The following RSL24D1 variants were observed in gnomAD, a reference collection of about 807,000 sequenced individuals.
RSL24D1 encodes the protein ribosomal L24 domain containing 1, also known as probable ribosome biogenesis protein RLP24.
In RSL24D1, 6 loss-of-function variants were observed where a neutral mutation model predicts 26.2. The observed-to-expected ratio is 0.23, with a 90% CI of 0.13 to 0.45. The LOEUF is 0.45. Ranked by LOEUF, RSL24D1 falls within the 20% of genes least tolerant of loss-of-function variation. The pLI is 0.99. For missense variants in RSL24D1, 176 were observed against 202.6 expected (o/e 0.87, Z 0.80); for synonymous variants, 61 against 59.1 (o/e 1.03, Z -0.15).
At chr15:55,196,725 G>C (rs1298431409) in intron 1 of RSL24D1, 85 bp downstream of exon 1, 4 of 1,328,256 alleles carry the variant, frequency 3.0e-6, no homozygotes, top group African/African-American at 1.5e-5. Context: ...AAACACGGCA[G>C]ACGCAGAAGC....
intron 3 of RSL24D1, 41 bp from the exon 4 acceptor site, chr15:55,185,466 A>C (rs776905335): frequency 1.4e-6 from 2 of 1,414,354 alleles, no homozygotes; most frequent in African/African-American, 1.4e-5. Context: ...ATGCACATTC[A>C]AGCGGTATGA....
intron 3 of RSL24D1, among the ~76,000 whole-genome samples, chr15:55,189,012 T>A (rs1464716661): frequency 6.6e-6 from 1 of 151,962 alleles, no homozygotes; most frequent in African/African-American, 2.4e-5. Context: ...GGCAACATGG[T>A]GAAACCCCGT....
At chr15:55,182,451 A>C (rs759504901) in intron 5 of RSL24D1, among the ~76,000 whole-genome samples, 2 of 152,154 alleles carry the variant, frequency 1.3e-5, no homozygotes, top group Non-Finnish European at 2.9e-5. Flanking sequence ...CCCCCATTTT[A>C]AATATGAGAA....
chr15:55,194,556 G>T (rs1174526541), intron 1 of RSL24D1, among the ~76,000 whole-genome samples: 3 of 152,006 alleles, frequency 2.0e-5, no homozygotes, highest in Non-Finnish European at 2.9e-5. Flanking sequence ...CCATACCTTG[G>T]ACTCAAAGTT....
rs17856255 is a variant in RSL24D1 at position 55,192,830 on chromosome 15, A to C, written c.85T>G (p.Phe29Val). The part of the protein sequence containing the change: ...MMFVRNDCKV[F>V]RFCKSKCHKN... ...TGACATTTAGATTTGCAAAATCTGA[A>C]CACCTACAAGAAAAGTTAAAATATT... Residue 29 changes from phenylalanine (F) to valine (V), a missense_variant, in exon 2 of 6, where the codon TTC becomes GTC. This residue lies in a region of RSL24D1 where 89 missense variants were observed against 135.1 expected (regional missense o/e 0.66). Transcript: ENST00000260443. 1 of 1,604,918 alleles carries C rather than the reference A, an allele frequency of 6.2e-7. No individual in the cohort carries two copies. Among genetic ancestry groups the C allele is most frequent in the South Asian group, 1.1e-5 (1 of 90,598 alleles).
intron 3 of RSL24D1, among the ~76,000 whole-genome samples, chr15:55,186,571 C>T (rs537525773): frequency 2.2e-4 from 34 of 152,224 alleles, no homozygotes; most frequent in Non-Finnish European, 3.1e-4. Flanking sequence ...TTATACCAAA[C>T]GCCTGGCCCA....
chr15:55,185,868 A>C (rs1894219016), intron 3 of RSL24D1, among the ~76,000 whole-genome samples: 1 of 152,148 alleles, frequency 6.6e-6, no homozygotes, highest in African/African-American at 2.4e-5. Context: ...CAAACAATCA[A>C]TACTACTAAG....
chr15:55,193,028 G>GA (rs1305592988), intron 1 of RSL24D1, among the ~76,000 whole-genome samples, 195 bp from the exon 2 acceptor site: 1 of 152,114 alleles, frequency 6.6e-6, no homozygotes, highest in Non-Finnish European at 1.5e-5. Flanking sequence ...TAAGGGCCCT[G>GA]AAAATATTAT....
chr15:55,193,397 A>T (rs1894320727), intron 1 of RSL24D1, among the ~76,000 whole-genome samples: 3 of 152,316 alleles, frequency 2.0e-5, no homozygotes, highest in Admixed American at 2.0e-4. Context: ...ACAACTGATG[A>T]TGCTTCAACA....
At chr15:55,193,375 T>C (rs1477005429) in intron 1 of RSL24D1, among the ~76,000 whole-genome samples, 4 of 152,222 alleles carry the variant, frequency 2.6e-5, no homozygotes, top group African/African-American at 9.6e-5. Context: ...AATCCTTTAA[T>C]AGTGCTAACT....
chr15:55,183,522 C>T (rs1322963995), intron 4 of RSL24D1, 122 bp from the exon 5 acceptor site: 2 of 668,840 alleles, frequency 3.0e-6, no homozygotes, highest in Admixed American at 2.6e-5. Flanking sequence ...GGAATGGAAA[C>T]ATGATGGCTG....
intron 2 of RSL24D1, 86 bp from the exon 3 acceptor site, chr15:55,191,133 G>C: frequency 4.2e-6 from 4 of 941,774 alleles, no homozygotes; most frequent in Non-Finnish European, 6.4e-6. Flanking sequence ...CTTTTCCTAA[G>C]TGTTCTAAAT....
In RSL24D1 at chr15:55,181,122, GTTAC is replaced by G. The variant is rs533907227; in HGVS notation, c.*1026_*1029del. The G allele has an allele frequency of 2.1e-3, 323 of 152,086 alleles. 1 individual carries two copies. The highest frequency in any genetic ancestry group is 7.4e-3 in the African/African-American group (308 of 41,474). 9.4% of individuals were successfully genotyped at this position (152,086 alleles called of 1,614,324 possible). ...AAAAAAACCATTATGCAAACTGATCGTTACTTAATGTATTTAACATACTTAAAAC... is the reference window on the plus strand; with the variant it reads ...AAAAAAACCATTATGCAAACTGATCGTTAATGTATTTAACATACTTAAAAC... On this transcript the variant is annotated 3_prime_UTR_variant, in exon 6 of 6. Coordinates refer to ENST00000260443, the MANE Select transcript of RSL24D1 (RefSeq NM_016304.3).
Position 55,182,232 on chromosome 15 carries a change from T to TA in RSL24D1, c.419-8dup, listed in dbSNP as rs780406690. The TA allele has an allele frequency of 1.3e-6, 2 of 1,532,024 alleles. No individual in the cohort carries two copies. 94.9% of individuals were successfully genotyped at this position (1,532,024 alleles called of 1,614,324 possible). ...TCCAACTGTTTCCCTTTGCCTTTAA[T>TA]AAAAATAAGTAAAAAATAAACAACT... On this transcript the variant is annotated splice_region_variant and splice_polypyrimidine_tract_variant and intron_variant, in intron 5 of 5. Transcript: ENST00000260443.
chr15:55,192,659 C>T (rs1894310720), intron 2 of RSL24D1, 61 bp downstream of exon 2: 1 of 1,150,888 alleles, frequency 8.7e-7, no homozygotes, highest in Non-Finnish European at 1.3e-6. Context: ...ATGACATATA[C>T]CCTTCAAATA....
At chr15:55,192,894 T>TA (rs1012830880) in intron 1 of RSL24D1, 61 bp from the exon 2 acceptor site, 69 of 1,047,492 alleles carry the variant, frequency 6.6e-5, no homozygotes, top group Admixed American at 1.3e-4. Flanking sequence ...CACAAGACGT[T>TA]ACCCCTGCTA....
intron 3 of RSL24D1, among the ~76,000 whole-genome samples, chr15:55,186,966 T>G (rs1036100922): frequency 2.0e-5 from 3 of 152,150 alleles, no homozygotes; most frequent in African/African-American, 7.2e-5. Flanking sequence ...GGAGTCTGGA[T>G]GAAGGATATC....
intron 4 of RSL24D1, 29 bp downstream of exon 4, chr15:55,185,333 C>A: frequency 6.5e-7 from 1 of 1,528,004 alleles, no homozygotes; most frequent in Non-Finnish European, 8.8e-7. Context: ...AATTATTTTC[C>A]AAAAGTTACT....
chr15:55,194,973 T>C (rs1026782701), intron 1 of RSL24D1, among the ~76,000 whole-genome samples: 3 of 136,598 alleles, frequency 2.2e-5, no homozygotes, highest in Non-Finnish European at 4.5e-5. Context: ...CAGAGAGCCA[T>C]GATCACACAT....
Sources: allele counts gnomAD v4.1 joint callset (sites outside exome capture counted in the v4.1 genomes callset), GRCh38; gene constraint gnomAD v4.1.1; regional missense constraint gnomAD v4.1.1; transcripts MANE v1.5; gene names NCBI Gene and HGNC (gene_info 2026-07-23, HGNC 2026-07-21).